BICD1: variants seen among roughly 807,000 people sequenced by gnomAD.
BICD1 encodes protein bicaudal D homolog 1.
Under a neutral mutation model 92.5 loss-of-function variants are expected in BICD1, and 35 were observed. That is an observed-to-expected ratio of 0.38 (90% CI 0.29 to 0.50). BICD1 has a LOEUF of 0.50. Among genes scored for constraint, BICD1 ranks in the 20% least tolerant of loss-of-function variants. The pLI, the probability that BICD1 is intolerant of heterozygous loss-of-function variation, is 0.93. For missense variants in BICD1, 950 were observed against 1,189.8 expected, an observed-to-expected ratio of 0.80 and a Z score of 2.97; for synonymous variants, 429 against 465.1, an observed-to-expected ratio of 0.92 and a Z score of 1.00.
chr12:32,242,417 C>G (rs1179409351), intron 2 of BICD1, among the ~76,000 whole-genome samples: 2 of 151,870 alleles, frequency 1.3e-5, no homozygotes, highest in Non-Finnish European at 2.9e-5. Context: ...GTCCCAGCTA[C>G]TAGGGAGGCC....
chr12:32,339,148 T>C (rs1057457176), intron 8 of BICD1, 169 bp downstream of exon 8: 221 of 1,332,224 alleles, frequency 1.7e-4, no homozygotes, highest in Non-Finnish European at 2.0e-4. Context: ...CATTTCCTCC[T>C]TCACTCATAT....
At chr12:32,168,974 CAAA>C (rs1257194820) in intron 1 of BICD1, among the ~76,000 whole-genome samples, 4 of 152,136 alleles carry the variant, frequency 2.6e-5, no homozygotes, top group African/African-American at 9.6e-5. Flanking sequence ...AACAAACAAA[CAAA>C]CAAACCCAAA....
At chr12:32,350,655 C>T (rs763003187) in intron 8 of BICD1, among the ~76,000 whole-genome samples, 52 of 152,204 alleles carry the variant, frequency 3.4e-4, no homozygotes, top group Non-Finnish European at 6.0e-4. Context: ...ATTCCTCTTG[C>T]ATATCTCTGT....
At chr12:32,194,751 C>T (rs1453930419) in intron 1 of BICD1, among the ~76,000 whole-genome samples, 3 of 151,954 alleles carry the variant, frequency 2.0e-5, no homozygotes, top group African/African-American at 2.4e-5. Flanking sequence ...GGCGTGGTGG[C>T]GCATGCCTGT....
intron 1 of BICD1, among the ~76,000 whole-genome samples, chr12:32,175,480 C>T (rs1454143329): frequency 2.6e-5 from 4 of 152,100 alleles, no homozygotes; most frequent in Non-Finnish European, 5.9e-5. Context: ...CCAAGCCCAG[C>T]TAATTTTTGT....
At chr12:32,196,818 TGTTA>T (rs776129293) in intron 1 of BICD1, among the ~76,000 whole-genome samples, 166 of 152,276 alleles carry the variant, frequency 1.1e-3, no homozygotes, top group Non-Finnish European at 1.9e-3. Context: ...GTGATGGATA[TGTTA>T]GTTAATTTGA....
At position 32,216,276 on chromosome 12, in the gene BICD1, G is replaced by C. The variant is rs759711369; in HGVS notation, c.243G>C (p.Arg81=). 7.4e-6 allele frequency: 12 copies of C among 1,613,932 alleles called. 1 individual carries two copies. The South Asian group carries it at 1.2e-4, about 16-fold the overall frequency. ...TTGGGCAGTCCTTCTCCATCCACCGGAAGGTTGCTGAAGATGGAGAGACTC... is the reference window on the plus strand; with the variant it reads ...TTGGGCAGTCCTTCTCCATCCACCGCAAGGTTGCTGAAGATGGAGAGACTC... ...EAFGQSFSIH[R]KVAEDGETRE... is the part of the protein sequence containing the mutation. The change falls in exon 2 of 10, where the codon CGG becomes CGC. Residue 81 remains arginine (R), a synonymous_variant. Transcript: ENST00000652176.
At chr12:32,126,694 T>G (rs112379366) in intron 1 of BICD1, among the ~76,000 whole-genome samples, 15,674 of 151,946 alleles carry the variant, frequency 0.1, 1,077 homozygotes, top group Middle Eastern at 0.2. Flanking sequence ...GAGGTGAAGG[T>G]TGCAGTGAGC....
chr12:32,209,987 C>T (rs1945166280), intron 1 of BICD1, among the ~76,000 whole-genome samples: 1 of 152,228 alleles, frequency 6.6e-6, no homozygotes, highest in East Asian at 1.9e-4. Flanking sequence ...ATTGGCAACA[C>T]AGATACGTCA....
At chr12:32,163,648 T>C (rs1013122529) in intron 1 of BICD1, among the ~76,000 whole-genome samples, 1 of 152,170 alleles carries the variant, frequency 6.6e-6, no homozygotes, top group Non-Finnish European at 1.5e-5. Flanking sequence ...TTATATGAAA[T>C]ATAAAAATAT....
At chr12:32,153,781 ATGTG>A (rs57798666) in intron 1 of BICD1, among the ~76,000 whole-genome samples, 1 of 148,212 alleles carries the variant, frequency 6.7e-6, no homozygotes, top group African/African-American at 2.5e-5. Flanking sequence ...ATATATATAT[ATGTG>A]TGTGTGTGTG....
At chr12:32,230,122 G>A (rs912386725) in intron 2 of BICD1, among the ~76,000 whole-genome samples, 4 of 152,122 alleles carry the variant, frequency 2.6e-5, no homozygotes, top group African/African-American at 9.7e-5. Flanking sequence ...CAGCTGAGAG[G>A]GAAGGTAGGG....
At chr12:32,265,720 A>T (rs1295880336) in intron 2 of BICD1, among the ~76,000 whole-genome samples, 1 of 147,776 alleles carries the variant, frequency 6.8e-6, no homozygotes, top group African/African-American at 2.4e-5. Context: ...ATCCTATTTA[A>T]AAAAAAAAAA....
At chr12:32,291,786 C>T (rs1332391569) in intron 2 of BICD1, among the ~76,000 whole-genome samples, 3 of 151,972 alleles carry the variant, frequency 2.0e-5, no homozygotes, top group African/African-American at 7.3e-5. Context: ...TGCAGTAAGC[C>T]GTGATCATGC....
At position 32,279,699 on chromosome 12, in the gene BICD1, C is replaced by T. The variant is rs1322287122; in HGVS notation, c.427-14295C>T. Among the ~76,000 whole-genome samples the T allele has an allele frequency of 2.0e-5, 3 of 152,206 alleles. No homozygotes were observed. In the East Asian group the frequency reaches 5.8e-4, roughly 29 times the overall value. ...GTGAACTGGTTGTGAGACAGGCTCT[C>T]CTTGGCTTCTAATGGAGGCAGGTAT... is the stretch of plus-strand genomic sequence containing the variant. On this transcript the variant is annotated intron_variant, in intron 2 of 9. Coordinates refer to ENST00000652176, the MANE Select transcript of BICD1 (RefSeq NM_001714.4).
At chr12:32,185,983 C>A (rs1944414679) in intron 1 of BICD1, among the ~76,000 whole-genome samples, 1 of 152,266 alleles carries the variant, frequency 6.6e-6, no homozygotes, top group Non-Finnish European at 1.5e-5. Context: ...TGTGGCACTT[C>A]CAGACCTAGC....
chr12:32,230,443 T>TAAGC (rs750246014), intron 2 of BICD1, among the ~76,000 whole-genome samples: 1 of 35,142 alleles, frequency 2.8e-5, no homozygotes, highest in Non-Finnish European at 5.9e-5. Flanking sequence ...AATAAATAAA[T>TAAGC]AAGCAAGCAA....
chr12:32,155,188 C>T lies in BICD1; in HGVS notation c.213+47644C>T, dbSNP rs182971067. Among the ~76,000 whole-genome samples, 4 of 152,236 alleles carry T rather than the reference C, an allele frequency of 2.6e-5. No individual in the cohort carries two copies. The East Asian group carries it at 7.7e-4, about 29-fold the overall frequency. ...GTAGACTTCGTCCACAGCTGTACTCCATCGGCCACTGACAGTCTTATTGCA... is the reference window on the plus strand; with the variant it reads ...GTAGACTTCGTCCACAGCTGTACTCTATCGGCCACTGACAGTCTTATTGCA... On this transcript the variant is annotated intron_variant, in intron 1 of 9. Coordinates refer to ENST00000652176, the MANE Select transcript of BICD1 (RefSeq NM_001714.4).
intron 8 of BICD1, among the ~76,000 whole-genome samples, chr12:32,357,953 A>G (rs1053539915): frequency 2.0e-5 from 3 of 152,156 alleles, no homozygotes; most frequent in African/African-American, 7.2e-5. Context: ...TTCCACTGAA[A>G]GGGCGTGGGT....
Sources: allele counts gnomAD v4.1 joint callset (sites outside exome capture counted in the v4.1 genomes callset), GRCh38; gene constraint gnomAD v4.1.1; transcripts MANE v1.5; gene names NCBI Gene and HGNC (gene_info 2026-07-23, HGNC 2026-07-21).